The following IFFO2 variants were observed in gnomAD, a reference collection of about 807,000 sequenced individuals.
IFFO2 encodes intermediate filament family orphan 2.
In IFFO2, 19 loss-of-function variants were observed where a neutral mutation model predicts 53.5. The ratio of observed to expected loss-of-function variants is 0.36; its 90% CI spans 0.25 to 0.52. The LOEUF is 0.52. Ranked by LOEUF, IFFO2 falls within the 20% of genes least tolerant of loss-of-function variation. The pLI is 0.94. For synonymous variants in IFFO2, 303 were observed against 313.6 expected, an observed-to-expected ratio of 0.97 and a Z score of 0.36; for missense variants, 570 against 727.4, an observed-to-expected ratio of 0.78 and a Z score of 2.49.
chr1:18,911,036 G>A lies in IFFO2; in HGVS notation c.1317+348C>T, dbSNP rs75766658. ...CTCCTCCTCTGTAAAAGGGGTGCAC[G>A]GTGCCTACTGCATAGGGCACAGGTA... is the stretch of plus-strand genomic sequence containing the variant. On this transcript the variant is annotated intron_variant, in intron 7 of 8. Transcript: ENST00000455833. Among the ~76,000 whole-genome samples, 1,450 of 152,302 alleles carry A rather than the reference G, an allele frequency of 9.5e-3. 26 individuals are homozygous for A. The highest frequency in any genetic ancestry group is 0.064 in the East Asian group (330 of 5,176).
chr1:18,938,643 A>C (rs1342931359), intron 1 of IFFO2, among the ~76,000 whole-genome samples: 1 of 152,026 alleles, frequency 6.6e-6, no homozygotes, highest in Non-Finnish European at 1.5e-5. Context: ...CCATCCCTGC[A>C]CCTCTCTAGA....
chr1:18,910,228 CAGAT>C (rs370311590), intron 8 of IFFO2, 110 bp downstream of exon 8: 27 of 1,204,612 alleles, frequency 2.2e-5, no homozygotes, highest in Non-Finnish European at 2.9e-5. Flanking sequence ...GACGGACGGA[CAGAT>C]GGACGGACAG....
intron 1 of IFFO2, among the ~76,000 whole-genome samples, chr1:18,934,424 GTGTCAGAA>G (rs141480844): frequency 0.1 from 15,589 of 152,032 alleles, 1,123 homozygotes; most frequent in Non-Finnish European, 0.14. Context: ...GTTGTAGTGT[GTGTCAGAA>G]TTTCCCCTCC....
At chr1:18,955,121 A>G (rs549254013) in intron 1 of IFFO2, among the ~76,000 whole-genome samples, 1 of 152,336 alleles carries the variant, frequency 6.6e-6, no homozygotes, top group Non-Finnish European at 1.5e-5. Flanking sequence ...TTCAAGAAAT[A>G]AAAAGGCAGT....
intron 1 of IFFO2, among the ~76,000 whole-genome samples, chr1:18,941,465 C>G (rs1029215528): frequency 2.0e-5 from 3 of 152,238 alleles, no homozygotes; most frequent in African/African-American, 7.2e-5. Context: ...CCAAGCCAGC[C>G]TTCAACGTCA....
chr1:18,948,668 G>A (rs1247421350), intron 1 of IFFO2, among the ~76,000 whole-genome samples: 1 of 152,230 alleles, frequency 6.6e-6, no homozygotes, highest in Non-Finnish European at 1.5e-5. Flanking sequence ...CATCTGGCCT[G>A]GAATTTTCTA....
intron 1 of IFFO2, among the ~76,000 whole-genome samples, chr1:18,925,960 T>TTGGATGGA (rs1195833041): frequency 1.3e-4 from 5 of 38,492 alleles, no homozygotes; most frequent in Admixed American, 8.0e-4. Flanking sequence ...GATGGATTGG[T>TTGGATGGA]TGGATGGATG....
In IFFO2 at chr1:18,908,220, C is replaced by T. The variant is rs1334270684; in HGVS notation, c.*341G>A. On this transcript the variant is annotated 3_prime_UTR_variant, in exon 9 of 9. Transcript: ENST00000455833. ...AGCTTAGAGTTCTGTATAAAAACAC[C>T]TGCTAGGAATAATTCTTTGGAGCTC... 1 of 291,802 alleles carries T rather than the reference C, an allele frequency of 3.4e-6. No homozygotes were observed. Among genetic ancestry groups the T allele is most frequent in the Non-Finnish European group, 6.8e-6 (1 of 146,182 alleles). 18.1% of individuals were successfully genotyped at this position (291,802 alleles called of 1,614,324 possible).
rs767457939 is a variant in IFFO2, at chr1:18,919,677, C to T, written c.822+1G>A. 4 of 1,549,742 alleles carry T rather than the reference C, an allele frequency of 2.6e-6. No homozygotes were observed. Among genetic ancestry groups the T allele is most frequent in the Admixed American group, 2.0e-5 (1 of 50,996 alleles). On this transcript the variant is annotated splice_donor_variant, in intron 3 of 8. Transcript: ENST00000455833. LOFTEE classifies it high-confidence loss of function. This position sits in a 1 kb window ranked among gnomAD's most constrained non-coding sequence, Gnocchi z 4.9. ...ACCCAGGGGCGGCGGGCGGCACTTA[C>T]GTCACTCATAAGCCCCTTAAACACC...
At position 18,936,614 on chromosome 1, in the gene IFFO2, G is replaced by A. The variant is rs967886514; in HGVS notation, c.666-15493C>T. Among the ~76,000 whole-genome samples the A allele has an allele frequency of 7.2e-5, 11 of 152,228 alleles. No individual in the cohort carries two copies. Among genetic ancestry groups the A allele is most frequent in the African/African-American group, 4.8e-5 (2 of 41,452 alleles). Reference sequence around the variant, plus strand: ...TTTTGGAAACCTAATATGTACTTTGGGTCTCTCCACTGTTTATTCCAAGTG... The same window carrying A: ...TTTTGGAAACCTAATATGTACTTTGAGTCTCTCCACTGTTTATTCCAAGTG... On this transcript the variant is annotated intron_variant, in intron 1 of 8. Coordinates refer to ENST00000455833, the MANE Select transcript of IFFO2 (RefSeq NM_001136265.2). The surrounding 1 kb of genome is among the most constrained non-coding windows in gnomAD (Gnocchi z 4.5).
At chr1:18,915,392 T>C (rs1205333614) in intron 5 of IFFO2, among the ~76,000 whole-genome samples, 1 of 102,058 alleles carries the variant, frequency 9.8e-6, no homozygotes, top group Non-Finnish European at 2.1e-5. Flanking sequence ...GTAGCTCTGA[T>C]TTCCTGCAAT....
chr1:18,943,195 CT>C (rs1026394845), intron 1 of IFFO2, among the ~76,000 whole-genome samples: 17 of 151,870 alleles, frequency 1.1e-4, no homozygotes, highest in African/African-American at 3.9e-4. Flanking sequence ...AGCGAGACCC[CT>C]ATCTCAACAA....
At chr1:18,943,953 T>C (rs1372180174) in intron 1 of IFFO2, among the ~76,000 whole-genome samples, 1 of 152,134 alleles carries the variant, frequency 6.6e-6, no homozygotes, top group Non-Finnish European at 1.5e-5. Context: ...AAGTGCTCTG[T>C]CCTCTGGGAG....
chr1:18,924,102 C>T (rs1275751259), intron 1 of IFFO2, among the ~76,000 whole-genome samples: 1 of 152,226 alleles, frequency 6.6e-6, no homozygotes, highest in African/African-American at 2.4e-5. Context: ...AAGAGCCTGT[C>T]GCCCGCCCTG....
intron 1 of IFFO2, among the ~76,000 whole-genome samples, chr1:18,951,687 C>T (rs561648478): frequency 1.3e-5 from 2 of 152,190 alleles, no homozygotes; most frequent in South Asian, 4.1e-4. Context: ...TTCTTGACAG[C>T]CTTAAAGATT....
intron 1 of IFFO2, among the ~76,000 whole-genome samples, chr1:18,937,310 A>G (rs1936462492): frequency 6.6e-6 from 1 of 152,242 alleles, no homozygotes; most frequent in African/African-American, 2.4e-5. Context: ...GGCAGGTTCC[A>G]GCGCAGCTGA....
chr1:18,919,747 C>T lies in IFFO2; in HGVS notation c.753G>A (p.Gln251=), dbSNP rs1317527463. The T allele has an allele frequency of 1.9e-6, 3 of 1,551,514 alleles. No individual in the cohort carries two copies. The African/African-American group carries it at 4.1e-5, about 21-fold the overall frequency. ...QEAAQEADAI[Q]EEMNEKIERL... The stretch of plus-strand genomic sequence containing the variant: ...GCTCGATCTTCTCATTCATCTCCTC[C>T]TGGATGGCATCAGCCTCCTGTGCTG... Residue 251 remains glutamine, a synonymous_variant, in exon 3 of 9, where the codon CAG becomes CAA. Transcript: ENST00000455833. This position sits in a 1 kb window ranked among gnomAD's most constrained non-coding sequence, Gnocchi z 4.9.
intron 1 of IFFO2, among the ~76,000 whole-genome samples, chr1:18,950,401 C>G (rs1936645159): frequency 6.6e-6 from 1 of 152,194 alleles, no homozygotes; most frequent in Admixed American, 6.5e-5. Context: ...CTGCCAAGCC[C>G]CAGGTACCTT....
Position 18,908,269 on chromosome 1 carries a change from AG to A in IFFO2, c.*291del. On this transcript the variant is annotated 3_prime_UTR_variant, in exon 9 of 9. Coordinates refer to ENST00000455833, the MANE Select transcript of IFFO2 (RefSeq NM_001136265.2). Reference sequence around the variant, plus strand: ...TCAAAGTGGCTCAGCTTAAGGGAGAAGGCACAGTTAACACTGCAAAGTCCGC... The same window carrying A: ...TCAAAGTGGCTCAGCTTAAGGGAGAAGCACAGTTAACACTGCAAAGTCCGC... The A allele has an allele frequency of 2.5e-6, 1 of 392,732 alleles. No homozygotes were observed. The highest frequency in any genetic ancestry group is 2.5e-5 in the South Asian group (1 of 40,548). 24.3% of individuals were successfully genotyped at this position (392,732 alleles called of 1,614,324 possible).
Sources: gnomAD v4.1 joint callset for allele counts (sites outside exome capture counted in the v4.1 genomes callset) on GRCh38, gnomAD v4.1.1 for gene constraint, Gnocchi (gnomAD v3.1) non-coding constraint, MANE v1.5 for transcripts, NCBI Gene and HGNC (gene_info 2026-07-23, HGNC 2026-07-21) for gene names.